MBD5: variants seen among roughly 807,000 people sequenced by gnomAD.
MBD5 encodes the protein methyl-CpG-binding domain protein 5.
In MBD5, 13 loss-of-function variants were observed where a neutral mutation model predicts 117.3. That is an observed-to-expected ratio of 0.11 (90% CI 0.07 to 0.18). The LOEUF (loss-of-function observed/expected upper bound fraction) is 0.18. Ranked by LOEUF, MBD5 falls within the 10% of genes least tolerant of loss-of-function variation. The probability of loss-of-function intolerance (pLI) is 1.00; values close to 1 mark genes in which losing one functional copy is unlikely to be tolerated. For synonymous variants in MBD5, 727 were observed against 766.4 expected (o/e 0.95, Z 0.85); for missense variants, 1,879 against 2,093.8 (o/e 0.90, Z 2.00).
At chr2:148,472,927 A>G (rs1254976782) in intron 8 of MBD5, among the ~76,000 whole-genome samples, 1 of 152,148 alleles carries the variant, frequency 6.6e-6, no homozygotes, top group Non-Finnish European at 1.5e-5. Flanking sequence ...GGCTAAAAAA[A>G]CTTAAGTAAC....
chr2:148,330,590 C>T (rs1445683187), intron 3 of MBD5: 2 of 152,124 alleles, frequency 1.3e-5, no homozygotes, highest in East Asian at 1.9e-4. Flanking sequence ...AGAAAAGAGA[C>T]GTGGTTTCAG....
At chr2:148,426,382 C>A (rs1228925972) in intron 4 of MBD5, among the ~76,000 whole-genome samples, 2 of 151,960 alleles carry the variant, frequency 1.3e-5, no homozygotes, top group Admixed American at 1.3e-4. Flanking sequence ...GGAGGCATCA[C>A]ACTACCTGAC....
chr2:148,122,031 T>G (rs560357143), intron 1 of MBD5, among the ~76,000 whole-genome samples: 21 of 152,310 alleles, frequency 1.4e-4, no homozygotes, highest in Admixed American at 5.2e-4. Flanking sequence ...AACCCTTGCA[T>G]ATGATTTACT....
At chr2:148,388,228 A>G (rs1292127845) in intron 4 of MBD5, among the ~76,000 whole-genome samples, 2 of 152,344 alleles carry the variant, frequency 1.3e-5, no homozygotes, top group East Asian at 3.9e-4. Flanking sequence ...GGAGAATGCA[A>G]TTGAAAAATA....
Position 148,455,075 on chromosome 2 carries a change from C to T in MBD5, c.-556-3128C>T, listed in dbSNP as rs959909103. ...TTTTGTATTTTCAGTGGTTATTATT[C>T]AGCAGTGAGATTACAGTTCAGTTTT... is the stretch of plus-strand genomic sequence containing the variant. On this transcript the variant is annotated intron_variant, in intron 4 of 13. Transcript: ENST00000642680. Among the ~76,000 whole-genome samples the T allele has an allele frequency of 3.3e-5, 5 of 152,094 alleles. No homozygotes were observed. The East Asian group carries it at 9.6e-4, about 29-fold the overall frequency.
intron 2 of MBD5, among the ~76,000 whole-genome samples, chr2:148,202,427 G>C (rs1450279624): frequency 6.6e-6 from 1 of 152,088 alleles, no homozygotes; most frequent in Non-Finnish European, 1.5e-5. Context: ...CAAATGTAAA[G>C]ACTGTTGATT....
At chr2:148,246,081 T>C (rs768941935) in intron 3 of MBD5, among the ~76,000 whole-genome samples, 4 of 152,186 alleles carry the variant, frequency 2.6e-5, no homozygotes, top group Non-Finnish European at 5.9e-5. Flanking sequence ...TTGCTGTTAA[T>C]TGAGCATTTT....
chr2:148,083,789 G>A (rs1395025493), intron 1 of MBD5, among the ~76,000 whole-genome samples: 1 of 151,880 alleles, frequency 6.6e-6, no homozygotes, highest in East Asian at 1.9e-4. Context: ...CACCACGCCC[G>A]ACTGATTTTT....
At chr2:148,375,903 T>G (rs1271688413) in intron 4 of MBD5, among the ~76,000 whole-genome samples, 1 of 152,058 alleles carries the variant, frequency 6.6e-6, no homozygotes, top group Non-Finnish European at 1.5e-5. Flanking sequence ...CGTTCATACT[T>G]GAGTGAAAGG....
chr2:148,491,439 A>G (rs1455630562), intron 11 of MBD5, among the ~76,000 whole-genome samples: 1 of 152,008 alleles, frequency 6.6e-6, no homozygotes, highest in Non-Finnish European at 1.5e-5. Context: ...ATATGATTAA[A>G]AACGTATAAT....
At chr2:148,318,964 T>G (rs746809228) in intron 3 of MBD5, among the ~76,000 whole-genome samples, 15 of 152,076 alleles carry the variant, frequency 9.9e-5, no homozygotes, top group Non-Finnish European at 1.9e-4. Flanking sequence ...GATCTGCTAG[T>G]CTCGGCCTCC....
chr2:148,114,684 T>C (rs552508806), intron 1 of MBD5, among the ~76,000 whole-genome samples: 1 of 152,272 alleles, frequency 6.6e-6, no homozygotes, highest in African/African-American at 2.4e-5. Flanking sequence ...ATAAGTTACT[T>C]ACTGTGTGCT....
chr2:148,369,617 T>C (rs1237063936), intron 4 of MBD5, among the ~76,000 whole-genome samples: 2 of 152,164 alleles, frequency 1.3e-5, no homozygotes, highest in Admixed American at 6.5e-5. Context: ...CTTGCAGCTT[T>C]TCTGTGTGTT....
intron 9 of MBD5, among the ~76,000 whole-genome samples, chr2:148,484,659 A>G (rs1419597210): frequency 1.3e-5 from 2 of 152,246 alleles, no homozygotes; most frequent in African/African-American, 4.8e-5. Flanking sequence ...CCCAAGTTCA[A>G]GGGAACAGAC....
intron 4 of MBD5, among the ~76,000 whole-genome samples, chr2:148,363,790 T>C (rs1162372235): frequency 1.3e-5 from 2 of 151,868 alleles, no homozygotes; most frequent in Non-Finnish European, 2.9e-5. Context: ...AAGACTAGAT[T>C]AGAGAAAAAA....
chr2:148,336,522 G>C (rs943954098), intron 3 of MBD5, among the ~76,000 whole-genome samples: 1 of 152,036 alleles, frequency 6.6e-6, no homozygotes, highest in African/African-American at 2.4e-5. Context: ...TTGTAGCTGG[G>C]ACTACCAGCA....
At chr2:148,407,389 T>C (rs1705116056) in intron 4 of MBD5, among the ~76,000 whole-genome samples, 1 of 151,884 alleles carries the variant, frequency 6.6e-6, no homozygotes, top group African/African-American at 2.4e-5. Flanking sequence ...TGTGTGTCTG[T>C]GTGTCTGTAT....
At chr2:148,462,504 A>C (rs1324586783) in intron 5 of MBD5, 78 bp from the exon 6 acceptor site, 2 of 914,366 alleles carry the variant, frequency 2.2e-6, no homozygotes, top group African/African-American at 3.3e-5. Flanking sequence ...GGACAGTAAG[A>C]CTATAAATTA....
intron 2 of MBD5, among the ~76,000 whole-genome samples, chr2:148,195,297 A>G (rs895378856): frequency 6.6e-6 from 1 of 152,194 alleles, no homozygotes; most frequent in Non-Finnish European, 1.5e-5. Flanking sequence ...ATGTCTGGAC[A>G]AGTGTTTTAA....
Sources: gnomAD v4.1 joint callset for allele counts (sites outside exome capture counted in the v4.1 genomes callset) on GRCh38, gnomAD v4.1.1 for gene constraint, MANE v1.5 for transcripts, NCBI Gene and HGNC (gene_info 2026-07-23, HGNC 2026-07-21) for gene names.